Variants in MCF2 observed in about 807,000 individuals in gnomAD.
The protein encoded by MCF2 is proto-oncogene DBL.
In MCF2, 44 loss-of-function variants were observed where a neutral mutation model predicts 82.5. The ratio of observed to expected loss-of-function variants is 0.53; its 90% CI spans 0.42 to 0.69. MCF2 has a LOEUF of 0.69. Ranked by LOEUF, MCF2 falls within the 30% of genes least tolerant of loss-of-function variation. The pLI is 0.00. For synonymous variants in MCF2, 217 were observed against 224.9 expected (o/e 0.96, Z 0.32); for missense variants, 623 against 663.1 (o/e 0.94, Z 0.66).
chrX:139,596,567 A>C (rs776012638), exon 19 of MCF2: 2 of 1,208,002 alleles, frequency 1.7e-6, no homozygotes, highest in Admixed American at 4.4e-5. Context: ...AGTGTTTAAA[A>C]CTGTATGACG....
chrX:139,589,919 T>A, exon 20 of MCF2: 1 of 1,149,378 alleles, frequency 8.7e-7, no homozygotes. Flanking sequence ...TGATTCCAAC[T>A]TCATCCATCT....
chrX:139,677,151 G>A (rs1214571071), intron 1 of MCF2, among the ~76,000 whole-genome samples: 2 of 111,446 alleles, frequency 1.8e-5, no homozygotes, highest in East Asian at 2.8e-4. Context: ...AATGCCTCAA[G>A]TAAGGATGCA....
chrX:139,626,900 C>A, intron 4 of MCF2, 144 bp from the exon 8 acceptor site: 1 of 485,914 alleles, frequency 2.1e-6, no homozygotes, highest in Non-Finnish European at 3.3e-6. Flanking sequence ...TCTGAAAATT[C>A]ACAAAATTTC....
chrX:139,586,249 C>A (rs920188327), intron 23 of MCF2, 129 bp downstream of exon 27: 2 of 476,001 alleles, frequency 4.2e-6, no homozygotes, highest in African/African-American at 4.8e-5. Flanking sequence ...GACATGAGAG[C>A]CTTATAAAAA....
At chrX:139,628,799 A>G (rs1202371326) in intron 4 of MCF2, among the ~76,000 whole-genome samples, 1 of 111,732 alleles carries the variant, frequency 8.9e-6, no homozygotes, top group Non-Finnish European at 1.9e-5. Flanking sequence ...GGATCCAAAA[A>G]ATACTTGCTG....
chrX:139,616,855 T>TGAAATTCTTAGAA (rs1256893670), intron 8 of MCF2, among the ~76,000 whole-genome samples: 3 of 111,916 alleles, frequency 2.7e-5, no homozygotes, highest in Non-Finnish European at 5.7e-5. Context: ...TAGAAAAATA[T>TGAAATTCTTAGAA]AAAGTGTAAT....
chrX:139,644,837 A>G (rs747358984), upstream of MCF2, among the ~76,000 whole-genome samples: 13 of 112,151 alleles, frequency 1.2e-4, no homozygotes, highest in African/African-American at 4.2e-4. Context: ...AGTTGGCCAC[A>G]TGGCACTTCC....
upstream of MCF2, among the ~76,000 whole-genome samples, chrX:139,645,322 T>A (rs959860993): frequency 3.6e-5 from 4 of 111,029 alleles, no homozygotes; most frequent in African/African-American, 1.3e-4. Context: ...GAAAGGCACA[T>A]AGAACCATGA....
At chrX:139,629,260 T>C (rs1232916654) in intron 4 of MCF2, among the ~76,000 whole-genome samples, 1 of 111,752 alleles carries the variant, frequency 8.9e-6, no homozygotes, top group African/African-American at 3.2e-5. Context: ...GTAGGCATAC[T>C]GTAGGCAGTT....
chrX:139,585,301 T>G (rs898640768), intron 23 of MCF2, 123 bp from the exon 28 acceptor site: 1 of 455,847 alleles, frequency 2.2e-6, no homozygotes, highest in Non-Finnish European at 3.8e-6. Context: ...ACCAATCTAA[T>G]GTAAGCAGCA....
At chrX:139,674,027 T>C (rs1442905422) in intron 1 of MCF2, among the ~76,000 whole-genome samples, 3 of 112,148 alleles carry the variant, frequency 2.7e-5, no homozygotes, top group African/African-American at 9.7e-5. Flanking sequence ...ATCTTTAGGA[T>C]AGTTAGCTCT....
intron 3 of MCF2, 109 bp downstream of exon 6, chrX:139,631,286 T>G: frequency 5.0e-6 from 2 of 398,762 alleles, no homozygotes; most frequent in South Asian, 1.3e-4. Context: ...CTGGGGTTTT[T>G]TTGTTTTGTT....
intron 1 of MCF2, among the ~76,000 whole-genome samples, chrX:139,662,915 G>T (rs1934395198): frequency 9.0e-6 from 1 of 111,260 alleles, no homozygotes; most frequent in Non-Finnish European, 1.9e-5. Context: ...TTTAAACCTG[G>T]TTTATTTCAC....
chrX:139,688,093 G>A (rs1935171324), intron 1 of MCF2, among the ~76,000 whole-genome samples: 1 of 111,770 alleles, frequency 8.9e-6, no homozygotes, highest in Admixed American at 9.5e-5. Context: ...AGCTAACAGA[G>A]AGGAAATCTA....
chrX:139,617,728 T>C (rs2148462388), intron 7 of MCF2, 24 bp from the exon 11 acceptor site: 1 of 984,012 alleles, frequency 1.0e-6, no homozygotes, highest in East Asian at 3.3e-5. Flanking sequence ...AGACAAAAAA[T>C]AATGAATACA....
intron 11 of MCF2, among the ~76,000 whole-genome samples, chrX:139,608,940 C>A: frequency 8.9e-6 from 1 of 111,752 alleles, no homozygotes; most frequent in Non-Finnish European, 1.9e-5. Flanking sequence ...TCAGTATAGA[C>A]CATTCACTAG....
rs746355921 is a variant in MCF2, at chrX:139,672,727, T to C, written c.-44-20939A>G. ...CTGGATTCGGTTTGCCAGTATTTTA[T>C]TGAGGATTTTCACATCGATATTCAT... On this transcript the variant is annotated intron_variant, in intron 1 of 27. Coordinates refer to the MCF2 transcript ENST00000414978. 4.4e-5 allele frequency among the ~76,000 whole-genome samples: 5 copies of C among 112,441 alleles called. No individual in the cohort carries two copies. The South Asian group carries it at 1.5e-3, about 33-fold the overall frequency.
intron 3 of MCF2, among the ~76,000 whole-genome samples, chrX:139,630,625 TTAAA>T (rs1217559987): frequency 1.8e-5 from 2 of 112,349 alleles, no homozygotes; most frequent in African/African-American, 6.4e-5. Context: ...GAATGCATTG[TTAAA>T]TGAATTAATG....
intron 1 of MCF2, among the ~76,000 whole-genome samples, chrX:139,682,239 A>G (rs1258435973): frequency 8.9e-6 from 1 of 111,756 alleles, no homozygotes; most frequent in Non-Finnish European, 1.9e-5. Flanking sequence ...CTCCTTGACT[A>G]TATCTCTTGT....
Sources: gnomAD v4.1 joint callset for allele counts (sites outside exome capture counted in the v4.1 genomes callset) on GRCh38, gnomAD v4.1.1 for gene constraint, MANE v1.5 for transcripts, NCBI Gene and HGNC (gene_info 2026-07-23, HGNC 2026-07-21) for gene names.